ZNF652: variants seen among roughly 807,000 people sequenced by gnomAD.
The protein encoded by ZNF652 is zinc finger protein 652.
Under a neutral mutation model 45.2 loss-of-function variants are expected in ZNF652, and 16 were observed. That is an observed-to-expected ratio of 0.35 (90% CI 0.24 to 0.54). The LOEUF (loss-of-function observed/expected upper bound fraction) is 0.54. Ranked by LOEUF, ZNF652 falls within the 20% of genes least tolerant of loss-of-function variation. The pLI is 0.91. For missense variants in ZNF652, 614 were observed against 765.6 expected, an observed-to-expected ratio of 0.80 and a Z score of 2.34; for synonymous variants, 250 against 260.6, an observed-to-expected ratio of 0.96 and a Z score of 0.39.
rs550451242 is a variant in ZNF652 at position 49,339,280 on chromosome 17, G to A, written c.-258-21297C>T. ...TGCAGTGGCATGATCTCGGCTCACT[G>A]CAACCTCTGCCTCCCAGGTTCAAGT... is the stretch of plus-strand genomic sequence containing the variant. On this transcript the variant is annotated intron_variant, in intron 1 of 5. Transcript: ENST00000430262. 8.4e-5 allele frequency among the ~76,000 whole-genome samples: 11 copies of A among 130,862 alleles called. No homozygotes were observed. The South Asian group carries it at 2.7e-3, about 32-fold the overall frequency. 85.9% of individuals were successfully genotyped at this position (130,862 alleles called of 152,430 possible).
rs144482069 is a variant in ZNF652, at chr17:49,346,454, G to A, written c.-259+15455C>T. 9.3e-3 allele frequency among the ~76,000 whole-genome samples: 1,420 copies of A among 152,320 alleles called. 14 individuals are homozygous for A. Among genetic ancestry groups the A allele is most frequent in the Middle Eastern group, 0.034 (10 of 294 alleles). The stretch of plus-strand genomic sequence containing the variant: ...TAATCCCAGCTACTTGGGAGACTGA[G>A]GCAGAAGAATCACTTGAACCTGGGA... On this transcript the variant is annotated intron_variant, in intron 1 of 5. Transcript: ENST00000430262.
chr17:49,293,554 T>C lies in ZNF652; in HGVS notation c.*4859A>G, dbSNP rs2069431199. Among the ~76,000 whole-genome samples the C allele has an allele frequency of 6.6e-6, 1 of 151,532 alleles. No homozygotes were observed. Among genetic ancestry groups the C allele is most frequent in the South Asian group, 2.1e-4 (1 of 4,816 alleles). On this transcript the variant is annotated 3_prime_UTR_variant, in exon 6 of 6. Coordinates refer to ENST00000430262, the MANE Select transcript of ZNF652 (RefSeq NM_001145365.3). The stretch of plus-strand genomic sequence containing the variant: ...AGTGTCCAGGGTTGGAAGGTCATCA[T>C]TCTTTATTGTAAGTGCTACAGATGA...
chr17:49,361,415 C>T (rs1354106628), intron 1 of ZNF652, among the ~76,000 whole-genome samples: 1 of 152,084 alleles, frequency 6.6e-6, no homozygotes, highest in Non-Finnish European at 1.5e-5. Flanking sequence ...TGTGGGGCTG[C>T]CGGTGGCGGG....
chr17:49,350,022 T>C (rs1049362292), intron 1 of ZNF652, among the ~76,000 whole-genome samples: 8 of 152,164 alleles, frequency 5.3e-5, no homozygotes, highest in African/African-American at 1.9e-4. Flanking sequence ...TTTTAAAGCT[T>C]AGGATGTTTC....
intron 1 of ZNF652, among the ~76,000 whole-genome samples, chr17:49,329,456 G>C (rs2070000175): frequency 6.6e-6 from 1 of 152,118 alleles, no homozygotes; most frequent in African/African-American, 2.4e-5. Flanking sequence ...ACTTGTAACA[G>C]TCATCTTCAC....
At chr17:49,312,958 A>G (rs570020110) in intron 2 of ZNF652, 113 bp from the exon 3 acceptor site, 57 of 1,011,786 alleles carry the variant, frequency 5.6e-5, no homozygotes, top group South Asian at 2.8e-4. Flanking sequence ...CAGAATCCAG[A>G]TAAGTGCTAT....
At chr17:49,359,052 TTAAC>T (rs1254346560) in intron 1 of ZNF652, among the ~76,000 whole-genome samples, 3 of 152,188 alleles carry the variant, frequency 2.0e-5, no homozygotes, top group Admixed American at 6.5e-5. Flanking sequence ...GTGTGGGTGT[TTAAC>T]TAGGTAAGTG....
At chr17:49,303,740 T>C (rs992970000) in intron 5 of ZNF652, among the ~76,000 whole-genome samples, 7 of 152,042 alleles carry the variant, frequency 4.6e-5, no homozygotes, top group African/African-American at 1.7e-4. Flanking sequence ...CTCCACATTA[T>C]TTACTAATCA....
intron 1 of ZNF652, among the ~76,000 whole-genome samples, chr17:49,319,206 T>C (rs890923252): frequency 1.3e-5 from 2 of 152,188 alleles, no homozygotes; most frequent in African/African-American, 4.8e-5. Context: ...ACATACCCTG[T>C]CTAGTTGACA....
intron 1 of ZNF652, among the ~76,000 whole-genome samples, chr17:49,343,497 T>C (rs1310980643): frequency 6.6e-6 from 1 of 152,044 alleles, no homozygotes; most frequent in Non-Finnish European, 1.5e-5. Flanking sequence ...AATGAGTAGG[T>C]GGTGGAAACA....
chr17:49,326,393 T>C (rs1205596970), intron 1 of ZNF652, among the ~76,000 whole-genome samples: 3 of 152,154 alleles, frequency 2.0e-5, no homozygotes, highest in African/African-American at 7.2e-5. Flanking sequence ...AGAGAGACTG[T>C]CACTGTTCAA....
intron 1 of ZNF652, among the ~76,000 whole-genome samples, chr17:49,356,126 T>C (rs2070333578): frequency 6.6e-6 from 1 of 151,064 alleles, no homozygotes; most frequent in African/African-American, 2.4e-5. Context: ...CGTTATTTCA[T>C]TTAAAATGTG....
At chr17:49,305,673 C>A (rs1245531326) in intron 5 of ZNF652, among the ~76,000 whole-genome samples, 1 of 152,184 alleles carries the variant, frequency 6.6e-6, no homozygotes, top group Non-Finnish European at 1.5e-5. Context: ...CATTACCATT[C>A]ACCAGACTAT....
intron 5 of ZNF652, among the ~76,000 whole-genome samples, chr17:49,308,059 A>AT (rs888097143): frequency 1.3e-4 from 19 of 151,988 alleles, no homozygotes; most frequent in African/African-American, 4.3e-4. Flanking sequence ...AAACTGAAGA[A>AT]TTTTTTTTAA....
intron 1 of ZNF652, among the ~76,000 whole-genome samples, chr17:49,320,443 G>A (rs768775962): frequency 3.3e-5 from 5 of 152,138 alleles, no homozygotes; most frequent in African/African-American, 4.8e-5. Flanking sequence ...ATCACAAGTC[G>A]CTCAAACGAC....
chr17:49,293,969 G>GT lies in ZNF652; in HGVS notation c.*4443dup, dbSNP rs912414141. On this transcript the variant is annotated 3_prime_UTR_variant, in exon 6 of 6. Transcript: ENST00000430262. The stretch of plus-strand genomic sequence containing the variant: ...AGGTTTCTCTAACTTTAGTTTTTTA[G>GT]TTTTTTTTTAAAACATTAAAACCGA... Among the ~76,000 whole-genome samples, 17 of 151,176 alleles carry GT rather than the reference G, an allele frequency of 1.1e-4. No homozygotes were observed. The highest frequency in any genetic ancestry group is 1.9e-4 in the Non-Finnish European group (13 of 67,680).
chr17:49,312,516 A>C (rs2069730063), intron 3 of ZNF652, among the ~76,000 whole-genome samples, 182 bp downstream of exon 3: 1 of 152,138 alleles, frequency 6.6e-6, no homozygotes, highest in African/African-American at 2.4e-5. Flanking sequence ...GTTGAAAAGA[A>C]AGCTGGGTGT....
chr17:49,322,795 G>A (rs1033862178), intron 1 of ZNF652, among the ~76,000 whole-genome samples: 50 of 152,212 alleles, frequency 3.3e-4, no homozygotes, highest in African/African-American at 1.2e-3. Flanking sequence ...TGAGGCAGGA[G>A]AATGGCGTGA....
chr17:49,302,526 A>G (rs1301138401), intron 5 of ZNF652, among the ~76,000 whole-genome samples: 1 of 151,714 alleles, frequency 6.6e-6, no homozygotes, highest in Non-Finnish European at 1.5e-5. Context: ...CTGACCTTGT[A>G]ATCTGCCCGC....
Sources: gnomAD v4.1 joint callset for allele counts (sites outside exome capture counted in the v4.1 genomes callset) on GRCh38, gnomAD v4.1.1 for gene constraint, MANE v1.5 for transcripts, NCBI Gene and HGNC (gene_info 2026-07-23, HGNC 2026-07-21) for gene names.